The following TOLLIP variants were observed in gnomAD, a reference collection of about 807,000 sequenced individuals.
TOLLIP encodes toll-interacting protein.
Under a neutral mutation model 33.5 loss-of-function variants are expected in TOLLIP, and 16 were observed. The observed-to-expected ratio is 0.48, with a 90% CI of 0.32 to 0.72. The LOEUF is 0.72. Ranked by LOEUF, TOLLIP falls within the 30% of genes least tolerant of loss-of-function variation. The pLI is 0.03. For missense variants in TOLLIP, 325 were observed against 396.6 expected (o/e 0.82, Z 1.53); for synonymous variants, 176 against 163.7 (o/e 1.07, Z -0.57).
rs201099751 is a variant in TOLLIP at position 1,290,447 on chromosome 11, C to T, written c.184-38G>A. The stretch of plus-strand genomic sequence containing the variant: ...CAATGTCAGGAAAAGGAGGTGCCAA[C>T]CATCAGGAGAGGGTGGGTTCTCTAG... On this transcript the variant is annotated intron_variant, in intron 2 of 5. Transcript: ENST00000317204. This position sits in a 1 kb window ranked among gnomAD's most constrained non-coding sequence, Gnocchi z 4.9. 2.5e-5 allele frequency: 40 copies of T among 1,600,098 alleles called. No individual in the cohort carries two copies. In the East Asian group the frequency reaches 8.5e-4, roughly 34 times the overall value.
intron 5 of TOLLIP, chr11:1,283,588 T>C: frequency 2.2e-6 from 1 of 455,742 alleles, no homozygotes; most frequent in Non-Finnish European, 4.4e-6. Flanking sequence ...TGTTCCAAAA[T>C]TTACAATGTC....
In TOLLIP at chr11:1,309,469, C is replaced by T. The variant is rs2133940383; in HGVS notation, c.30G>A (p.Gly10=). Residue 10 remains glycine (G), a synonymous_variant, in exon 1 of 6, where the codon GGG becomes GGA. Transcript: ENST00000317204. The part of the protein sequence containing the change: MATTVSTQR[G]PVYIGELPQD... Reference sequence around the variant, plus strand: ...GACCCTCGCCCGGCTGCCTCACCGGCCCGCGCTGAGTGCTGACGGTGGTCG... The same window carrying T: ...GACCCTCGCCCGGCTGCCTCACCGGTCCGCGCTGAGTGCTGACGGTGGTCG... 7.5e-7 allele frequency: 1 copy of T among 1,333,470 alleles called. No individual in the cohort carries two copies. Among genetic ancestry groups the T allele is most frequent in the Non-Finnish European group, 9.6e-7 (1 of 1,036,404 alleles). 82.6% of individuals were successfully genotyped at this position (1,333,470 alleles called of 1,614,324 possible).
intron 5 of TOLLIP, among the ~76,000 whole-genome samples, chr11:1,284,168 C>G (rs1863602567): frequency 6.6e-6 from 1 of 152,176 alleles, no homozygotes; most frequent in African/African-American, 2.4e-5. Context: ...CTGTGGGGCT[C>G]CCATGCTCGC....
chr11:1,293,542 A>G (rs1203082383), intron 2 of TOLLIP, among the ~76,000 whole-genome samples: 12 of 152,314 alleles, frequency 7.9e-5, no homozygotes, highest in South Asian at 6.2e-4. Context: ...GAGAAGCAGG[A>G]AACAGGGGCT....
chr11:1,308,860 G>C (rs1427630525), intron 1 of TOLLIP, among the ~76,000 whole-genome samples: 1 of 152,196 alleles, frequency 6.6e-6, no homozygotes, highest in Non-Finnish European at 1.5e-5. Context: ...GGGCCATCAG[G>C]GTGCGGGACC....
chr11:1,279,341 G>A (rs1863416205), intron 5 of TOLLIP, among the ~76,000 whole-genome samples: 3 of 152,368 alleles, frequency 2.0e-5, no homozygotes, highest in Admixed American at 2.0e-4. Flanking sequence ...GCAGGGCAGA[G>A]GCCATGTGCC....
At chr11:1,279,606 C>T (rs1053136748) in intron 5 of TOLLIP, among the ~76,000 whole-genome samples, 3 of 152,210 alleles carry the variant, frequency 2.0e-5, no homozygotes, top group East Asian at 1.9e-4. Context: ...CCATCTGCCG[C>T]GCTCAGCCCC....
intron 1 of TOLLIP, among the ~76,000 whole-genome samples, chr11:1,307,578 A>G (rs992566268): frequency 6.6e-6 from 1 of 152,196 alleles, no homozygotes; most frequent in Non-Finnish European, 1.5e-5. Context: ...CCCAGACCAC[A>G]CAGCAAGGAA....
At chr11:1,280,014 T>C (rs991963010) in intron 5 of TOLLIP, among the ~76,000 whole-genome samples, 6 of 152,204 alleles carry the variant, frequency 3.9e-5, no homozygotes, top group African/African-American at 1.4e-4. Context: ...CCACAGAGCG[T>C]TATCACAAAG....
Position 1,284,505 on chromosome 11 carries a change from C to T in TOLLIP, c.610+1497G>A, listed in dbSNP as rs538330034. Among the ~76,000 whole-genome samples, 3 of 152,280 alleles carry T rather than the reference C, an allele frequency of 2.0e-5. No homozygotes were observed. In the East Asian group the frequency reaches 5.8e-4, roughly 29 times the overall value. On this transcript the variant is annotated intron_variant, in intron 5 of 5. Transcript: ENST00000317204. ...CTGGGACTACAGGCGCCCACCACCGCGCCCGGCTAATTTGTTTGTATTTTT... is the reference window on the plus strand; with the variant it reads ...CTGGGACTACAGGCGCCCACCACCGTGCCCGGCTAATTTGTTTGTATTTTT...
intron 1 of TOLLIP, among the ~76,000 whole-genome samples, chr11:1,297,088 G>A (rs1864134914): frequency 6.6e-6 from 1 of 152,126 alleles, no homozygotes; most frequent in African/African-American, 2.4e-5. Context: ...CAGCGCCAGT[G>A]CCCTGGGCAG....
At chr11:1,289,799 G>A (rs1249487450) in intron 3 of TOLLIP, among the ~76,000 whole-genome samples, 5 of 149,334 alleles carry the variant, frequency 3.3e-5, no homozygotes, top group Admixed American at 6.7e-5. Flanking sequence ...GCTGGTGAGC[G>A]GCCAGACGAG....
rs1488476270 is a variant in TOLLIP, at chr11:1,286,108, G to A, written c.520-16C>T. 1.3e-6 allele frequency: 2 copies of A among 1,576,652 alleles called. No individual in the cohort carries two copies. Among genetic ancestry groups the A allele is most frequent in the South Asian group, 1.2e-5 (1 of 86,102 alleles). On this transcript the variant is annotated splice_polypyrimidine_tract_variant and intron_variant, in intron 4 of 5. Transcript: ENST00000317204. ...CTGGAAGCAGCTGAAACACAGCGGA[G>A]ATGGTCCCGGGGTCAAGGAGGAACA...
chr11:1,277,956 C>T lies in TOLLIP; in HGVS notation c.611-703G>A, dbSNP rs950014049. 1.3e-5 allele frequency among the ~76,000 whole-genome samples: 2 copies of T among 152,226 alleles called. No individual in the cohort carries two copies. Among genetic ancestry groups the T allele is most frequent in the African/African-American group, 2.4e-5 (1 of 41,450 alleles). ...TGGACCCTCAGTGCACTGGGGCCAC[C>T]GTCCAGGGTTCCTGGCATCTCCACC... On this transcript the variant is annotated intron_variant, in intron 5 of 5. Transcript: ENST00000317204. This position sits in a 1 kb window ranked among gnomAD's most constrained non-coding sequence, Gnocchi z 4.2.
chr11:1,304,464 C>T (rs1864369859), intron 1 of TOLLIP, among the ~76,000 whole-genome samples: 1 of 152,252 alleles, frequency 6.6e-6, no homozygotes, highest in Non-Finnish European at 1.5e-5. Context: ...CAAGCGCTGA[C>T]TCGAGAGAAG....
At chr11:1,306,701 C>T (rs1055099940) in intron 1 of TOLLIP, among the ~76,000 whole-genome samples, 17 of 152,026 alleles carry the variant, frequency 1.1e-4, no homozygotes, top group Admixed American at 1.0e-3. Flanking sequence ...CCCTGCCTTG[C>T]GTGTGCCAGG....
Position 1,290,913 on chromosome 11 carries a change from G to A in TOLLIP, c.184-504C>T, listed in dbSNP as rs915752543. 1 of 155,586 alleles carries A rather than the reference G, an allele frequency of 6.4e-6. No homozygotes were observed. Among genetic ancestry groups the A allele is most frequent in the Admixed American group, 6.3e-5 (1 of 15,982 alleles). The allele number at this position is 155,586 out of a possible 1,614,324, so 9.6% of individuals were successfully genotyped here. ...CCACGTGGCTGCTTTCCTCCCTCGT[G>A]AAGGCAGCAGCCCTGCCTGTGCTAT... On this transcript the variant is annotated intron_variant, in intron 2 of 5. Coordinates refer to ENST00000317204, the MANE Select transcript of TOLLIP (RefSeq NM_019009.4). This position sits in a 1 kb window ranked among gnomAD's most constrained non-coding sequence, Gnocchi z 4.9.
intron 1 of TOLLIP, chr11:1,298,136 G>A (rs1011734287): frequency 6.6e-6 from 1 of 152,344 alleles, no homozygotes; most frequent in South Asian, 2.1e-4. Context: ...AAGTTCTCAG[G>A]ACTAACATAC....
rs1415226395 is a variant in TOLLIP at position 1,286,082 on chromosome 11, G to A, written c.530C>T (p.Ala177Val). 7 of 1,595,562 alleles carry A rather than the reference G, an allele frequency of 4.4e-6. No individual in the cohort carries two copies. Among genetic ancestry groups the A allele is most frequent in the Non-Finnish European group, 6.0e-6 (7 of 1,172,346 alleles). ...GGGCTGGGGTGGCATCACCATGGCAGCTGGAAGCAGCTGAAACACAGCGGA... is the reference window on the plus strand; with the variant it reads ...GGGCTGGGGTGGCATCACCATGGCAACTGGAAGCAGCTGAAACACAGCGGA... The part of the protein sequence containing the change: ...NLVMSYALLP[A>V]AMVMPPQPVV... Residue 177 changes from alanine to valine, a missense_variant, in exon 5 of 6, where the codon GCT (alanine) becomes GTT (valine). Transcript: ENST00000317204.
Sources: allele counts gnomAD v4.1 joint callset (sites outside exome capture counted in the v4.1 genomes callset), GRCh38; gene constraint gnomAD v4.1.1; non-coding constraint Gnocchi (gnomAD v3.1); transcripts MANE v1.5; gene names NCBI Gene and HGNC (gene_info 2026-07-23, HGNC 2026-07-21).